Variants in GTPBP1 observed in about 807,000 individuals in gnomAD.
The protein encoded by GTPBP1 is GTP binding protein 1.
Under a neutral mutation model 62.0 loss-of-function variants are expected in GTPBP1, and 23 were observed. That is an observed-to-expected ratio of 0.37 (90% CI 0.27 to 0.53). The LOEUF is 0.53. GTPBP1 is among the 20% of genes least tolerant of loss of function. The pLI is 0.89. For synonymous variants in GTPBP1, 344 were observed against 364.4 expected (o/e 0.94, Z 0.64); for missense variants, 640 against 917.3 (o/e 0.70, Z 3.90).
At position 38,727,698 on chromosome 22, in the gene GTPBP1, C is replaced by T. The variant is rs1345991558; in HGVS notation, c.1538-285C>T. On this transcript the variant is annotated intron_variant, in intron 9 of 11. Transcript: ENST00000216044. This position sits in a 1 kb window ranked among gnomAD's most constrained non-coding sequence, Gnocchi z 6.5. Reference sequence around the variant, plus strand: ...TTCCCCGCAGAAGCCCACAGTCCAGCGAGGAGGTGCATGTGCAGTGTGCTG... The same window carrying T: ...TTCCCCGCAGAAGCCCACAGTCCAGTGAGGAGGTGCATGTGCAGTGTGCTG... Among the ~76,000 whole-genome samples, 1 of 152,164 alleles carries T rather than the reference C, an allele frequency of 6.6e-6. No homozygotes were observed. Among genetic ancestry groups the T allele is most frequent in the Non-Finnish European group, 1.5e-5 (1 of 68,044 alleles).
intron 5 of GTPBP1, chr22:38,722,968 C>G (rs1031034557): frequency 4.5e-6 from 4 of 884,110 alleles, no homozygotes; most frequent in Non-Finnish European, 7.8e-6. Context: ...CCTCTTAGTG[C>G]AAGACCAGAA....
chr22:38,712,495 G>A (rs2092645625), intron 2 of GTPBP1, among the ~76,000 whole-genome samples: 3 of 152,146 alleles, frequency 2.0e-5, no homozygotes, highest in South Asian at 2.1e-4. Context: ...GAGAGTCTAG[G>A]GAGTCTTTGC....
chr22:38,723,228 T>G, intron 5 of GTPBP1: 1 of 1,041,254 alleles, frequency 9.6e-7, no homozygotes, highest in Non-Finnish European at 1.5e-6. Context: ...CCAAATTATT[T>G]CCCCTTAAAG....
chr22:38,729,748 C>T, intron 11 of GTPBP1, 86 bp downstream of exon 11: 3 of 1,054,952 alleles, frequency 2.8e-6, no homozygotes, highest in Non-Finnish European at 3.8e-6. Context: ...TGTAGGCAAG[C>T]CTCAAACCTG....
chr22:38,739,291 G>A (rs551621045), downstream of GTPBP1: 6 of 1,579,530 alleles, frequency 3.8e-6, no homozygotes, highest in Middle Eastern at 1.7e-4. This position sits in a 1 kb window ranked among gnomAD's most constrained non-coding sequence, Gnocchi z 6.7. Flanking sequence ...CCAGGGGACC[G>A]GCCATTGCGG....
In GTPBP1 at chr22:38,730,717, C is replaced by G; in HGVS notation, c.*13C>G. ...CAGCGGCTGCTGAACCTTCCCCTGG[C>G]CCACCCTCACCACCCAAGGGGTCAT... On this transcript the variant is annotated 3_prime_UTR_variant, in exon 12 of 12. Coordinates refer to ENST00000216044, the MANE Select transcript of GTPBP1 (RefSeq NM_004286.5). The surrounding 1 kb of genome is among the most constrained non-coding windows in gnomAD (Gnocchi z 5.6). The G allele has an allele frequency of 2.1e-6, 3 of 1,440,790 alleles. 1 individual carries two copies. The South Asian group carries it at 3.6e-5, about 17-fold the overall frequency. 89.3% of individuals were successfully genotyped at this position (1,440,790 alleles called of 1,614,324 possible).
chr22:38,738,505 T>TCCA, downstream of GTPBP1: 1 of 1,538,286 alleles, frequency 6.5e-7, no homozygotes, highest in South Asian at 1.2e-5. This position sits in a 1 kb window ranked among gnomAD's most constrained non-coding sequence, Gnocchi z 6.6. Context: ...AGTCCAAGGG[T>TCCA]GACCCTGACT....
Sources: gnomAD v4.1 joint callset for allele counts (sites outside exome capture counted in the v4.1 genomes callset) on GRCh38, gnomAD v4.1.1 for gene constraint, Gnocchi (gnomAD v3.1) non-coding constraint, MANE v1.5 for transcripts, NCBI Gene and HGNC (gene_info 2026-07-23, HGNC 2026-07-21) for gene names.